The following KCNK2 variants were observed in gnomAD, a reference collection of about 807,000 sequenced individuals.
The protein encoded by KCNK2 is potassium channel subfamily K member 2.
KCNK2 carries 21 observed loss-of-function variants against 40.5 expected under a neutral mutation model. The ratio of observed to expected loss-of-function variants is 0.52; its 90% CI spans 0.37 to 0.75. The LOEUF (loss-of-function observed/expected upper bound fraction) is 0.75. KCNK2 is among the 30% of genes least tolerant of loss of function. The probability of loss-of-function intolerance (pLI) is 0.00; values close to 1 mark genes in which losing one functional copy is unlikely to be tolerated. For synonymous variants in KCNK2, 191 were observed against 202.2 expected, an observed-to-expected ratio of 0.94 and a Z score of 0.47; for missense variants, 399 against 531.6, an observed-to-expected ratio of 0.75 and a Z score of 2.45.
chr1:215,084,666 A>G (rs1381552231), intron 1 of KCNK2, among the ~76,000 whole-genome samples: 2 of 152,178 alleles, frequency 1.3e-5, no homozygotes, highest in Admixed American at 6.5e-5. Flanking sequence ...CTTTATAAAT[A>G]TTTTAAAGGT....
At chr1:215,199,929 T>A (rs1665014760) in intron 6 of KCNK2, among the ~76,000 whole-genome samples, 1 of 152,114 alleles carries the variant, frequency 6.6e-6, no homozygotes, top group African/African-American at 2.4e-5. Context: ...TTCTACATAT[T>A]TCTTCTATCG....
intron 1 of KCNK2, among the ~76,000 whole-genome samples, chr1:215,028,799 A>G (rs1657084944): frequency 6.6e-6 from 1 of 152,196 alleles, no homozygotes; most frequent in Non-Finnish European, 1.5e-5. Flanking sequence ...CTTTTCTAGG[A>G]AATCCCTTCC....
At chr1:215,023,606 C>T (rs897284529) in intron 1 of KCNK2, among the ~76,000 whole-genome samples, 3 of 152,162 alleles carry the variant, frequency 2.0e-5, no homozygotes, top group African/African-American at 4.8e-5. Context: ...TTGGCTTCGA[C>T]GACTTTTCCA....
intron 6 of KCNK2, among the ~76,000 whole-genome samples, chr1:215,232,237 T>C (rs1666694537): frequency 1.3e-5 from 2 of 152,194 alleles, no homozygotes; most frequent in Admixed American, 6.6e-5. Context: ...ATAGCCATTA[T>C]CCTTGGGGAG....
chr1:215,187,476 A>T (rs1165898538), intron 5 of KCNK2, among the ~76,000 whole-genome samples: 1 of 152,136 alleles, frequency 6.6e-6, no homozygotes, highest in Non-Finnish European at 1.5e-5. Flanking sequence ...CTTATTAATT[A>T]TACGGTAATG....
intron 4 of KCNK2, 69 bp from the exon 5 acceptor site, chr1:215,171,928 C>G (rs1663728702): frequency 1.3e-6 from 1 of 788,282 alleles, no homozygotes; most frequent in Non-Finnish European, 1.8e-6. Context: ...TTGTCTCTCT[C>G]TCTCTCTCTC....
chr1:215,150,100 A>C lies in KCNK2; in HGVS notation c.476-19099A>C, dbSNP rs183990218. Among the ~76,000 whole-genome samples, 3 of 152,208 alleles carry C rather than the reference A, an allele frequency of 2.0e-5. No individual in the cohort carries two copies. In the South Asian group the frequency reaches 6.2e-4, roughly 31 times the overall value. On this transcript the variant is annotated intron_variant, in intron 3 of 6. Coordinates refer to ENST00000444842, the MANE Select transcript of KCNK2 (RefSeq NM_001017425.3). Reference sequence around the variant, plus strand: ...TCTTAGTAAAGGGAACCCTGCATGCAGGAGGGGTTCAGATCCAGTCTTGGG... The same window carrying C: ...TCTTAGTAAAGGGAACCCTGCATGCCGGAGGGGTTCAGATCCAGTCTTGGG...
intron 4 of KCNK2, 28 bp from the exon 5 acceptor site, chr1:215,171,969 T>TATAC (rs1558123904): frequency 6.7e-7 from 1 of 1,489,582 alleles, no homozygotes; most frequent in South Asian, 1.2e-5. Flanking sequence ...TATATATATA[T>TATAC]ACACACACCT....
At chr1:215,086,233 C>T (rs1571894984) in intron 1 of KCNK2, 135 bp from the exon 2 acceptor site, 2 of 676,550 alleles carry the variant, frequency 3.0e-6, no homozygotes, top group East Asian at 2.7e-5. Flanking sequence ...GACAGCACTC[C>T]TGGTTTGGGT....
chr1:215,173,494 A>G (rs2102639636), intron 5 of KCNK2, among the ~76,000 whole-genome samples: 1 of 152,306 alleles, frequency 6.6e-6, no homozygotes, highest in East Asian at 1.9e-4. Context: ...CAGTAATGGG[A>G]TGGCTGGGTC....
chr1:215,156,600 T>C (rs1430031196), intron 3 of KCNK2, among the ~76,000 whole-genome samples: 1 of 152,182 alleles, frequency 6.6e-6, no homozygotes, highest in Admixed American at 6.5e-5. Context: ...TCCATTCTCA[T>C]ATGGCTATAA....
chr1:215,121,956 A>T (rs1173903894), intron 2 of KCNK2, among the ~76,000 whole-genome samples: 1 of 152,198 alleles, frequency 6.6e-6, no homozygotes, highest in Non-Finnish European at 1.5e-5. Context: ...CAAACAGAAG[A>T]TCTTTGATAT....
In KCNK2 at chr1:215,169,935, C is replaced by T. The variant is rs563548063; in HGVS notation, c.636+576C>T. On this transcript the variant is annotated intron_variant, in intron 4 of 6. Coordinates refer to ENST00000444842, the MANE Select transcript of KCNK2 (RefSeq NM_001017425.3). ...TGCTGGGATTACAGGCTTGAGCCAC[C>T]GTGCCCAGCCAGATTTAAATTTCAT... is the stretch of plus-strand genomic sequence containing the variant. Among the ~76,000 whole-genome samples, 277 of 152,142 alleles carry T rather than the reference C, an allele frequency of 1.8e-3. 2 individuals are homozygous for T. The highest frequency in any genetic ancestry group is 6.3e-3 in the African/African-American group (263 of 41,516).
At position 215,186,701 on chromosome 1, in the gene KCNK2, T is replaced by A. The variant is rs529057353; in HGVS notation, c.824-8252T>A. ...CTCCCAGAAAATTTTAACTTCATAT[T>A]TATTTATGCAGAGAACATGTTTTAG... On this transcript the variant is annotated intron_variant, in intron 5 of 6. Transcript: ENST00000444842. 1.2e-4 allele frequency among the ~76,000 whole-genome samples: 19 copies of A among 152,278 alleles called. 1 individual carries two copies. The South Asian group carries it at 3.9e-3, about 32-fold the overall frequency.
chr1:215,096,240 G>A (rs1659971361), intron 2 of KCNK2, among the ~76,000 whole-genome samples: 1 of 151,610 alleles, frequency 6.6e-6, no homozygotes, highest in Non-Finnish European at 1.5e-5. Flanking sequence ...TTCCACACAT[G>A]ATTTTACACG....
upstream of KCNK2, chr1:215,081,908 ACGC>A (rs1240006259): frequency 9.9e-5 from 15 of 152,194 alleles, no homozygotes; most frequent in African/African-American, 3.6e-4. Context: ...GGCTGTCCCT[ACGC>A]CGGGGTCTTG....
At chr1:215,181,857 G>A (rs1054420167) in intron 5 of KCNK2, among the ~76,000 whole-genome samples, 3 of 152,224 alleles carry the variant, frequency 2.0e-5, no homozygotes, top group African/African-American at 7.2e-5. Context: ...GCTCAGGCCA[G>A]GGGAGGCCAC....
intron 2 of KCNK2, among the ~76,000 whole-genome samples, chr1:215,091,360 GC>G (rs1300363567): frequency 6.6e-6 from 1 of 152,076 alleles, no homozygotes; most frequent in Non-Finnish European, 1.5e-5. Flanking sequence ...TTTATCCTAG[GC>G]CTACTCCTCC....
chr1:215,091,862 G>A (rs147015242), intron 2 of KCNK2, among the ~76,000 whole-genome samples: 10 of 152,270 alleles, frequency 6.6e-5, no homozygotes, highest in East Asian at 1.9e-4. Flanking sequence ...GGTTCTCACC[G>A]AGGGGAGAGT....
Sources: allele counts gnomAD v4.1 joint callset (sites outside exome capture counted in the v4.1 genomes callset), GRCh38; gene constraint gnomAD v4.1.1; transcripts MANE v1.5; gene names NCBI Gene and HGNC (gene_info 2026-07-23, HGNC 2026-07-21).